The following BNC1 variants were observed in gnomAD, a reference collection of about 807,000 sequenced individuals.
The protein encoded by BNC1 is zinc finger protein basonuclin-1.
In BNC1, 8 loss-of-function variants were observed where a neutral mutation model predicts 66.5. The ratio of observed to expected loss-of-function variants is 0.12; its 90% confidence interval spans 0.07 to 0.22. The LOEUF is 0.22. BNC1 is among the 10% of genes least tolerant of loss of function. BNC1 has a pLI of 1.00. For missense variants in BNC1, 1,069 were observed against 1,241.3 expected, an observed-to-expected ratio of 0.86 and a Z score of 2.09; for synonymous variants, 454 against 452.6, an observed-to-expected ratio of 1.00 and a Z score of -0.04.
At chr15:83,277,398 C>T (rs2038334552) in intron 1 of BNC1, among the ~76,000 whole-genome samples, 1 of 152,116 alleles carries the variant, frequency 6.6e-6, no homozygotes, top group Non-Finnish European at 1.5e-5. Context: ...CAACTTCTGC[C>T]TCCCGGGTTC....
At position 83,263,320 on chromosome 15, in the gene BNC1, A is replaced by C. The variant is rs374484702; in HGVS notation, c.1931T>G (p.Met644Arg). 7 of 1,614,098 alleles carry C rather than the reference A, an allele frequency of 4.3e-6. No homozygotes were observed. Among genetic ancestry groups the C allele is most frequent in the Non-Finnish European group, 5.9e-6 (7 of 1,180,044 alleles). Residue 644 changes from methionine to arginine, a missense_variant, in exon 4 of 5, where the codon ATG (methionine) becomes AGG (arginine). By Grantham distance (91) the Met-to-Arg change is moderately conservative. This residue lies in a region of BNC1 where 657 missense variants were observed against 715.8 expected (regional missense o/e 0.92). Coordinates refer to ENST00000345382, the MANE Select transcript of BNC1 (RefSeq NM_001717.4). ...ACCATCCTCGACCTCCCTTGGCACC[A>C]TGATCAATGCTGGTGTCTGCTCAGT... Reference protein sequence around the residue: ...RETEQTPALIMVPREVEDGGH... With the variant: ...RETEQTPALIRVPREVEDGGH...
chr15:83,268,256 A>G (rs1341763528), intron 1 of BNC1, 24 bp from the exon 2 acceptor site: 3 of 1,562,412 alleles, frequency 1.9e-6, no homozygotes, highest in African/African-American at 2.7e-5. Flanking sequence ...GAAAACAGGT[A>G]TGTGGAGCAT....
chr15:83,268,900 G>A (rs2038242914), intron 1 of BNC1, among the ~76,000 whole-genome samples: 1 of 152,186 alleles, frequency 6.6e-6, no homozygotes, highest in South Asian at 2.1e-4. Context: ...TGAAAATAGA[G>A]ATGTACATGT....
At chr15:83,260,991 A>C (rs1485030286) in intron 4 of BNC1, among the ~76,000 whole-genome samples, 4 of 152,236 alleles carry the variant, frequency 2.6e-5, no homozygotes, top group Non-Finnish European at 5.9e-5. Flanking sequence ...GAAGGCTCGG[A>C]TCTATTAATA....
intron 3 of BNC1, among the ~76,000 whole-genome samples, 165 bp downstream of exon 3, chr15:83,266,671 C>G (rs1287979542): frequency 6.6e-6 from 1 of 151,954 alleles, no homozygotes; most frequent in African/African-American, 2.4e-5. Context: ...GCCTTGGACT[C>G]CCCCCAAGAA....
At chr15:83,278,008 T>C (rs891684362) in intron 1 of BNC1, among the ~76,000 whole-genome samples, 2 of 152,162 alleles carry the variant, frequency 1.3e-5, no homozygotes, top group Non-Finnish European at 1.5e-5. Flanking sequence ...TTTTCTTACA[T>C]ATGAAAACCC....
At chr15:83,267,200 A>C in intron 2 of BNC1, 129 bp from the exon 3 acceptor site, 1 of 671,248 alleles carries the variant, frequency 1.5e-6, no homozygotes, top group Non-Finnish European at 2.5e-6. Context: ...TATACAAATG[A>C]TTAAATACCT....
intron 1 of BNC1, among the ~76,000 whole-genome samples, chr15:83,269,919 T>C (rs557716485): frequency 1.7e-4 from 26 of 152,342 alleles, no homozygotes; most frequent in Non-Finnish European, 3.2e-4. Context: ...TGATACATGC[T>C]GCAACATGGA....
At position 83,284,636 on chromosome 15, in the gene BNC1, C is replaced by T. The variant is rs1210272032; in HGVS notation, c.-8G>A. On this transcript the variant is annotated 5_prime_UTR_variant, in exon 1 of 5. Transcript: ENST00000345382. Reference sequence around the variant, plus strand: ...CGGCGGGCGCCGCCGCATCCACGCTCCGGCCGTCGGGGCGCGACCCGGCGA... The same window carrying T: ...CGGCGGGCGCCGCCGCATCCACGCTTCGGCCGTCGGGGCGCGACCCGGCGA... 1 of 990,802 alleles carries T rather than the reference C, an allele frequency of 1.0e-6. No homozygotes were observed. Among genetic ancestry groups the T allele is most frequent in the East Asian group, 1.1e-4 (1 of 9,050 alleles). The allele number at this position is 990,802 out of a possible 1,614,324, so 61.4% of individuals were successfully genotyped here.
Position 83,263,964 on chromosome 15 carries a change from G to A in BNC1, c.1287C>T (p.Ser429=). Residue 429 remains serine (S), a synonymous_variant, in exon 4 of 5, where the codon AGC becomes AGT. Coordinates refer to ENST00000345382, the MANE Select transcript of BNC1 (RefSeq NM_001717.4). ...AGTTCTCAGAGCTGGCCAGGTTCAG[G>A]CTGTTCCTGAGGTCTTTGTCCCGGT... ...RNNRDKDLRN[S]LNLASSENYK... is the part of the protein sequence containing the mutation. 1 of 1,614,222 alleles carries A rather than the reference G, an allele frequency of 6.2e-7. No individual in the cohort carries two copies. Among genetic ancestry groups the A allele is most frequent in the Admixed American group, 1.7e-5 (1 of 60,028 alleles).
At position 83,263,554 on chromosome 15, in the gene BNC1, T is replaced by C; in HGVS notation, c.1697A>G (p.Asp566Gly). 1 of 1,614,248 alleles carries C rather than the reference T, an allele frequency of 6.2e-7. No homozygotes were observed. The highest frequency in any genetic ancestry group is 1.6e-4 in the Middle Eastern group (1 of 6,062). ...EKRHNLSSDE[D>G]MPLQVVSEDE... ...TTCACTGACCACCTGTAGGGGCATG[T>C]CTTCATCTGAGCTGAGGTTGTGTCT... is the stretch of plus-strand genomic sequence containing the variant. The change falls in exon 4 of 5, where the codon GAC becomes GGC. Residue 566 changes from aspartate to glycine, a missense_variant. Around this residue, in one of 7 missense-constraint regions of BNC1, gnomAD observed 657 missense variants for 715.8 expected, o/e 0.92. Coordinates refer to ENST00000345382, the MANE Select transcript of BNC1 (RefSeq NM_001717.4).
At chr15:83,274,417 G>A (rs771025349) in intron 1 of BNC1, among the ~76,000 whole-genome samples, 11 of 152,050 alleles carry the variant, frequency 7.2e-5, no homozygotes, top group Non-Finnish European at 1.5e-4. Context: ...GTAAAATTCA[G>A]CCCCTTGGTC....
chr15:83,276,092 ATCATGTGG>A (rs1567195766), intron 1 of BNC1, among the ~76,000 whole-genome samples: 1 of 152,178 alleles, frequency 6.6e-6, no homozygotes, highest in African/African-American at 2.4e-5. Context: ...GCCTTTGGCC[ATCATGTGG>A]GCTGGAAACC....
At chr15:83,269,699 A>G (rs1461635502) in intron 1 of BNC1, among the ~76,000 whole-genome samples, 1 of 152,214 alleles carries the variant, frequency 6.6e-6, no homozygotes, top group African/African-American at 2.4e-5. Flanking sequence ...TAGAGTTACT[A>G]TATGACCCAG....
intron 1 of BNC1, among the ~76,000 whole-genome samples, chr15:83,276,531 T>C (rs781260725): frequency 3.2e-4 from 49 of 152,222 alleles, no homozygotes; most frequent in Non-Finnish European, 3.5e-4. Context: ...TAAAAATAAA[T>C]TTAATTTCCA....
At chr15:83,269,447 G>A (rs1446209026) in intron 1 of BNC1, among the ~76,000 whole-genome samples, 1 of 152,040 alleles carries the variant, frequency 6.6e-6, no homozygotes, top group African/African-American at 2.4e-5. Flanking sequence ...GTGTGTGTGC[G>A]CGCGCATCTG....
intron 1 of BNC1, among the ~76,000 whole-genome samples, chr15:83,275,475 G>A (rs939416482): frequency 7.3e-6 from 1 of 136,816 alleles, no homozygotes; most frequent in Non-Finnish European, 1.5e-5. Flanking sequence ...CAGCCTGGGC[G>A]ACAGAGACTC....
At chr15:83,262,876 T>C in intron 4 of BNC1, 75 bp downstream of exon 4, 4 of 1,406,538 alleles carry the variant, frequency 2.8e-6, no homozygotes, top group South Asian at 2.9e-5. Flanking sequence ...TTAACAATTC[T>C]CCGGGTGATT....
At chr15:83,273,270 C>T (rs540814572) in intron 1 of BNC1, among the ~76,000 whole-genome samples, 1 of 152,072 alleles carries the variant, frequency 6.6e-6, no homozygotes, top group Non-Finnish European at 1.5e-5. Context: ...TGGGTTTTTC[C>T]ACCCATCTTA....
Sources: allele counts gnomAD v4.1 joint callset (sites outside exome capture counted in the v4.1 genomes callset), GRCh38; gene constraint gnomAD v4.1.1; regional missense constraint gnomAD v4.1.1; transcripts MANE v1.5; gene names NCBI Gene and HGNC (gene_info 2026-07-23, HGNC 2026-07-21).